Variants in SEC14L2 observed in about 807,000 individuals in gnomAD.
The protein encoded by SEC14L2 is SEC14 like lipid binding 2, also known as SEC14-like protein 2.
In SEC14L2, 50 loss-of-function variants were observed where a neutral mutation model predicts 56.9. The ratio of observed to expected loss-of-function variants is 0.88; its 90% CI spans 0.70 to 1.11. The LOEUF is 1.11. Ranked by LOEUF, SEC14L2 falls within the 50% of genes most tolerant of loss-of-function variation. The pLI is 0.00. For missense variants in SEC14L2, 414 were observed against 500.7 expected, an observed-to-expected ratio of 0.83 and a Z score of 1.65; for synonymous variants, 179 against 188.5, an observed-to-expected ratio of 0.95 and a Z score of 0.41.
chr22:30,419,380 C>T (rs928551262), intron 11 of SEC14L2, among the ~76,000 whole-genome samples: 20 of 152,146 alleles, frequency 1.3e-4, no homozygotes, highest in African/African-American at 4.3e-4. Context: ...GGCAAAACCC[C>T]GTCTCTACTA....
At chr22:30,403,945 G>C (rs1007196424) in intron 2 of SEC14L2, among the ~76,000 whole-genome samples, 1 of 142,024 alleles carries the variant, frequency 7.0e-6, no homozygotes, top group South Asian at 2.3e-4. Flanking sequence ...GGAGCTTGCA[G>C]TGAGCTGAGA....
intron 2 of SEC14L2, among the ~76,000 whole-genome samples, chr22:30,403,062 G>A (rs1180973623): frequency 6.6e-6 from 1 of 152,216 alleles, no homozygotes; most frequent in East Asian, 1.9e-4. Context: ...GGGCGACAGA[G>A]CAAGATTCTG....
At chr22:30,397,748 G>C (rs1005786443) in intron 1 of SEC14L2, 6 of 416,266 alleles carry the variant, frequency 1.4e-5, no homozygotes, top group African/African-American at 1.3e-4. Context: ...GTGAATTCCA[G>C]GCTCCCCCCA....
At chr22:30,407,660 A>T in intron 5 of SEC14L2, 57 bp downstream of exon 5, 1 of 1,503,532 alleles carries the variant, frequency 6.7e-7, no homozygotes, top group Non-Finnish European at 9.1e-7. Flanking sequence ...ATTCCAGCAG[A>T]AGCAGGGATG....
intron 5 of SEC14L2, 124 bp from the exon 6 acceptor site, chr22:30,409,063 T>C (rs889742802): frequency 1.1e-6 from 1 of 877,252 alleles, no homozygotes; most frequent in Non-Finnish European, 1.9e-6. Flanking sequence ...TGGAAAACTC[T>C]AGGTCCGGCC....
rs1167904870 is a variant in SEC14L2 at position 30,422,611 on chromosome 22, C to T, written c.*204C>T. ...CAAATACCTAAGGAGTCCCCAGGAG[C>T]TGGCTGGCCATCGTGATAGGATCTG... On this transcript the variant is annotated 3_prime_UTR_variant, in exon 12 of 12. Coordinates refer to ENST00000615189, the MANE Select transcript of SEC14L2 (RefSeq NM_012429.5). The T allele has an allele frequency of 3.5e-6, 2 of 573,374 alleles. No individual in the cohort carries two copies. Among genetic ancestry groups the T allele is most frequent in the Admixed American group, 3.2e-5 (1 of 31,064 alleles). 35.5% of individuals were successfully genotyped at this position (573,374 alleles called of 1,614,324 possible).
At chr22:30,407,318 G>T in intron 4 of SEC14L2, 97 bp from the exon 5 acceptor site, 1 of 1,476,260 alleles carries the variant, frequency 6.8e-7, no homozygotes, top group South Asian at 1.2e-5. Flanking sequence ...GGAGAGGGAG[G>T]TAGAGAAAGA....
chr22:30,418,598 C>A (rs570293385), intron 11 of SEC14L2, among the ~76,000 whole-genome samples: 1 of 152,332 alleles, frequency 6.6e-6, no homozygotes, highest in South Asian at 2.1e-4. Flanking sequence ...CCAACCAGAA[C>A]CTTTACCTGC....
chr22:30,417,054 G>A (rs1343525692), intron 11 of SEC14L2: 3 of 184,164 alleles, frequency 1.6e-5, no homozygotes, highest in African/African-American at 2.4e-5. Flanking sequence ...CGGTAGCCTG[G>A]GAAACTGGCA....
chr22:30,401,583 G>A (rs1031730422), intron 2 of SEC14L2, among the ~76,000 whole-genome samples: 11 of 150,964 alleles, frequency 7.3e-5, no homozygotes, highest in African/African-American at 1.5e-4. Flanking sequence ...GTGCGATCTC[G>A]GCTCACTGCA....
chr22:30,415,204 G>C lies in SEC14L2; in HGVS notation c.665-555G>C, dbSNP rs1338868314. On this transcript the variant is annotated intron_variant, in intron 8 of 11. Coordinates refer to ENST00000615189, the MANE Select transcript of SEC14L2 (RefSeq NM_012429.5). The stretch of plus-strand genomic sequence containing the variant: ...CCCAGCACTTTGGGAGGCCGAGGTG[G>C]GTGGATCATCTGAGGTCAGGAGTTC... Among the ~76,000 whole-genome samples, 6 of 152,136 alleles carry C rather than the reference G, an allele frequency of 3.9e-5. No homozygotes were observed. In the East Asian group the frequency reaches 1.2e-3, roughly 29 times the overall value.
At chr22:30,415,183 G>A (rs1934354456) in intron 8 of SEC14L2, among the ~76,000 whole-genome samples, 1 of 152,178 alleles carries the variant, frequency 6.6e-6, no homozygotes, top group African/African-American at 2.4e-5. Context: ...TGTAATCCCA[G>A]CACTTTGGGA....
chr22:30,406,225 T>C (rs939085395), intron 2 of SEC14L2, 117 bp from the exon 3 acceptor site: 1 of 952,600 alleles, frequency 1.0e-6, no homozygotes, highest in Non-Finnish European at 1.6e-6. Context: ...GTCTGAGGGT[T>C]AGCTGGAGAG....
At position 30,400,894 on chromosome 22, in the gene SEC14L2, C is replaced by CA. The variant is rs1185861063; in HGVS notation, c.130+1205dup. 9.3e-4 allele frequency among the ~76,000 whole-genome samples: 45 copies of CA among 48,614 alleles called. 2 individuals are homozygous for CA. The highest frequency in any genetic ancestry group is 1.0e-3 in the Non-Finnish European group (31 of 30,882). The allele number at this position is 48,614 out of a possible 152,430, so 31.9% of individuals were successfully genotyped here. ...TGGGTGACAGAGGGAGACTCCGTCT[C>CA]AAAAAAAAAAAAAAAAAAAAAAAAA... On this transcript the variant is annotated intron_variant, in intron 2 of 11. Transcript: ENST00000615189.
chr22:30,409,610 C>T, intron 7 of SEC14L2, 124 bp downstream of exon 7: 1 of 920,550 alleles, frequency 1.1e-6, no homozygotes, highest in South Asian at 1.3e-5. Context: ...CAGAAGACTG[C>T]TGCCCCTGCT....
intron 2 of SEC14L2, among the ~76,000 whole-genome samples, chr22:30,400,933 CTTT>C (rs890631114): frequency 7.9e-6 from 1 of 127,144 alleles, no homozygotes; most frequent in African/African-American, 2.9e-5. Context: ...AGAAGGTTAC[CTTT>C]TTTTTTTTCT....
At chr22:30,399,471 C>T (rs1423596089) in intron 1 of SEC14L2, among the ~76,000 whole-genome samples, 172 bp from the exon 2 acceptor site, 4 of 148,778 alleles carry the variant, frequency 2.7e-5, no homozygotes, top group African/African-American at 9.9e-5. Flanking sequence ...GTGGAGATCG[C>T]CCACCGCACT....
In SEC14L2 at chr22:30,414,418, G is replaced by C. The variant is rs143391419; in HGVS notation, c.665-1341G>C. On this transcript the variant is annotated intron_variant, in intron 8 of 11. Transcript: ENST00000615189. ...GAAGATACAGAATTTTCAACAGAGGGGGGAGATTCACTCGGGCTGGTCACT... is the reference window on the plus strand; with the variant it reads ...GAAGATACAGAATTTTCAACAGAGGCGGGAGATTCACTCGGGCTGGTCACT... Among the ~76,000 whole-genome samples, 246 of 152,222 alleles carry C rather than the reference G, an allele frequency of 1.6e-3. 1 individual carries two copies. Among genetic ancestry groups the C allele is most frequent in the African/African-American group, 5.5e-3 (227 of 41,534 alleles).
At position 30,412,704 on chromosome 22, in the gene SEC14L2, G is replaced by A. The variant is rs1461648497; in HGVS notation, c.664+2025G>A. On this transcript the variant is annotated intron_variant, in intron 8 of 11. Transcript: ENST00000615189. Reference sequence around the variant, plus strand: ...CCAGGTTTGGTGGTGTGTGCCTGTAGTCCCAGCTACATGGGAGGGTGAGGT... The same window carrying A: ...CCAGGTTTGGTGGTGTGTGCCTGTAATCCCAGCTACATGGGAGGGTGAGGT... 3.3e-5 allele frequency among the ~76,000 whole-genome samples: 5 copies of A among 151,628 alleles called. No homozygotes were observed. The East Asian group carries it at 7.7e-4, about 23-fold the overall frequency.
Sources: allele counts gnomAD v4.1 joint callset (sites outside exome capture counted in the v4.1 genomes callset), GRCh38; gene constraint gnomAD v4.1.1; transcripts MANE v1.5; gene names NCBI Gene and HGNC (gene_info 2026-07-23, HGNC 2026-07-21).